The following MTOR variants were observed in gnomAD, a reference collection of about 807,000 sequenced individuals.
MTOR encodes mechanistic target of rapamycin kinase, also known as serine/threonine-protein kinase mTOR.
MTOR carries 70 observed loss-of-function variants against 319.8 expected under a neutral mutation model. That is an observed-to-expected ratio of 0.22 (90% CI 0.18 to 0.27). The LOEUF (loss-of-function observed/expected upper bound fraction) is 0.27, where lower values mean the gene tolerates loss of function less well. MTOR is among the 10% of genes least tolerant of loss of function. The pLI, the probability that MTOR is intolerant of heterozygous loss-of-function variation, is 1.00. For missense variants in MTOR, 1,890 were observed against 3,274.4 expected (o/e 0.58, Z 10.32); for synonymous variants, 1,183 against 1,211.4 (o/e 0.98, Z 0.49).
chr1:11,130,368 C>T (rs1643075471), intron 39 of MTOR, among the ~76,000 whole-genome samples, 161 bp downstream of exon 39: 1 of 152,228 alleles, frequency 6.6e-6, no homozygotes, highest in South Asian at 2.1e-4. Flanking sequence ...ACACACAAAG[C>T]CCTATCTCAG....
At chr1:11,166,165 C>T (rs1644637707) in intron 29 of MTOR, among the ~76,000 whole-genome samples, 1 of 152,154 alleles carries the variant, frequency 6.6e-6, no homozygotes, top group Admixed American at 6.5e-5. Context: ...CTAGGCAATA[C>T]CATTCAGGAC....
chr1:11,207,629 A>T (rs1571168057), intron 25 of MTOR, among the ~76,000 whole-genome samples: 1 of 122,668 alleles, frequency 8.2e-6, no homozygotes, highest in Non-Finnish European at 1.7e-5. Context: ...ACAGGGTCTT[A>T]CTCTGTTGCC....
chr1:11,212,857 A>T lies in MTOR; in HGVS notation c.3337T>A (p.Leu1113Ile). Residue 1113 changes from leucine (L) to isoleucine (I), a missense_variant, in exon 22 of 58, where the codon TTA becomes ATA. Physicochemically the swap from Leu to Ile is conservative, Grantham distance 5 (BLOSUM62 2). Transcript: ENST00000361445. This position sits in a 1 kb window ranked among gnomAD's most constrained non-coding sequence, Gnocchi z 4.1. ...AACTTAACAATAGGAGGCAGCAGTA[A>T]ATGCAGGTAGTCATCCAGGTTGGCG... ...FGANLDDYLH[L>I]LLPPIVKLFD... is the part of the protein sequence containing the mutation. 1 of 1,614,160 alleles carries T rather than the reference A, an allele frequency of 6.2e-7. No individual in the cohort carries two copies. The highest frequency in any genetic ancestry group is 8.5e-7 in the Non-Finnish European group (1 of 1,179,998).
intron 8 of MTOR, among the ~76,000 whole-genome samples, chr1:11,244,164 T>C (rs1648480421): frequency 6.6e-6 from 1 of 151,408 alleles, no homozygotes; most frequent in Non-Finnish European, 1.5e-5. Flanking sequence ...TAAGGGTGCA[T>C]GCCTGTAATC....
rs750981339 is a variant in MTOR at position 11,212,468 on chromosome 1, C to A, written c.3405G>T (p.Ala1135=). The A allele has an allele frequency of 6.2e-7, 1 of 1,613,104 alleles. No individual in the cohort carries two copies. The highest frequency in any genetic ancestry group is 8.5e-7 in the Non-Finnish European group (1 of 1,179,640). Residue 1135 remains alanine (A), a synonymous_variant, in exon 23 of 58, where the codon GCG becomes GCT. Transcript: ENST00000361445. This position sits in a 1 kb window ranked among gnomAD's most constrained non-coding sequence, Gnocchi z 4.1. Reference sequence around the variant, plus strand: ...CCGTCAGGCGGTCCACAGTCTCTAGCGCTGCCCTACAACAATCACTAACAT... The same window carrying A: ...CCGTCAGGCGGTCCACAGTCTCTAGAGCTGCCCTACAACAATCACTAACAT... ...PEAPLPSRKA[A]LETVDRLTES... is the part of the protein sequence containing the mutation.
At chr1:11,246,849 C>T (rs758428111) in intron 8 of MTOR, among the ~76,000 whole-genome samples, 2 of 152,198 alleles carry the variant, frequency 1.3e-5, no homozygotes, top group Non-Finnish European at 2.9e-5. Flanking sequence ...TTTACCTCTA[C>T]CCTATTTCCA....
Position 11,127,852 on chromosome 1 carries a change from C to T in MTOR, c.6034-46G>A, listed in dbSNP as rs2100410174. On this transcript the variant is annotated intron_variant, in intron 43 of 57. Transcript: ENST00000361445. This position sits in a 1 kb window ranked among gnomAD's most constrained non-coding sequence, Gnocchi z 5.5. ...AGAGAAGCATCAAGAATCAGCTAAC[C>T]TCAGAAAGGTCTGTTTTGGAGACAC... 1 of 1,595,692 alleles carries T rather than the reference C, an allele frequency of 6.3e-7. No individual in the cohort carries two copies. The highest frequency in any genetic ancestry group is 1.7e-5 in the Admixed American group (1 of 57,886).
In MTOR at chr1:11,128,751, A is replaced by G; in HGVS notation, c.5811+104T>C. On this transcript the variant is annotated intron_variant, in intron 41 of 57. Transcript: ENST00000361445. This position sits in a 1 kb window ranked among gnomAD's most constrained non-coding sequence, Gnocchi z 5.3. ...CCGAGCCCTACTTCCTTAGCACTGT[A>G]TTAACACACACTGCCTTGTGACACT... The G allele has an allele frequency of 9.1e-7, 1 of 1,097,036 alleles. No individual in the cohort carries two copies. Among genetic ancestry groups the G allele is most frequent in the South Asian group, 1.4e-5 (1 of 74,056 alleles). The allele number at this position is 1,097,036 out of a possible 1,614,324, so 68.0% of individuals were successfully genotyped here.
intron 25 of MTOR, 93 bp downstream of exon 25, chr1:11,209,219 G>T: frequency 6.7e-7 from 1 of 1,503,750 alleles, no homozygotes; most frequent in Non-Finnish European, 9.1e-7. Flanking sequence ...ACCTGGGCTG[G>T]TTTTCGGTTG....
At position 11,108,303 on chromosome 1, in the gene MTOR, A is replaced by G. The variant is rs1641675282; in HGVS notation, c.7529-17T>C. 1 of 1,593,870 alleles carries G rather than the reference A, an allele frequency of 6.3e-7. No individual in the cohort carries two copies. Among genetic ancestry groups the G allele is most frequent in the African/African-American group, 1.3e-5 (1 of 74,512 alleles). Reference sequence around the variant, plus strand: ...AGTCCCGACCTAGCACAGGAGGAACAAAAACATTTCACTCTCTTCCTGGCA... The same window carrying G: ...AGTCCCGACCTAGCACAGGAGGAACGAAAACATTTCACTCTCTTCCTGGCA... On this transcript the variant is annotated splice_polypyrimidine_tract_variant and intron_variant, in intron 56 of 57. Coordinates refer to ENST00000361445, the MANE Select transcript of MTOR (RefSeq NM_004958.4).
At chr1:11,142,444 A>T (rs1449746730) in intron 34 of MTOR, among the ~76,000 whole-genome samples, 2 of 152,012 alleles carry the variant, frequency 1.3e-5, no homozygotes, top group East Asian at 3.9e-4. Context: ...GTGCGCCACC[A>T]CGCCTGGCTA....
In MTOR at chr1:11,212,755, T is replaced by G. The variant is rs773799855; in HGVS notation, c.3398+41A>C. The G allele has an allele frequency of 6.6e-7, 1 of 1,504,922 alleles. No individual in the cohort carries two copies. The highest frequency in any genetic ancestry group is 1.7e-5 in the Admixed American group (1 of 58,146). 93.2% of individuals were successfully genotyped at this position (1,504,922 alleles called of 1,614,324 possible). Reference sequence around the variant, plus strand: ...GAAATGAACATTTTCAACAAAACATTAAAGCTTAAAGATTGCTAGTCCCAA... The same window carrying G: ...GAAATGAACATTTTCAACAAAACATGAAAGCTTAAAGATTGCTAGTCCCAA... On this transcript the variant is annotated intron_variant, in intron 22 of 57. Coordinates refer to ENST00000361445, the MANE Select transcript of MTOR (RefSeq NM_004958.4). The surrounding 1 kb of genome is among the most constrained non-coding windows in gnomAD (Gnocchi z 4.1).
chr1:11,151,583 G>A (rs1332735216), intron 30 of MTOR, among the ~76,000 whole-genome samples: 1 of 152,232 alleles, frequency 6.6e-6, no homozygotes, highest in Non-Finnish European at 1.5e-5. Context: ...CAGTAGTGCT[G>A]GGATAGGGGC....
chr1:11,134,244 A>T lies in MTOR; in HGVS notation c.5246+107T>A, dbSNP rs913114399. On this transcript the variant is annotated intron_variant, in intron 37 of 57. Transcript: ENST00000361445. ...ATCCCTACTGGAAAAGGAAAGAGAG[A>T]TGTCAGCAATCAGCCACCCAAGAAG... The T allele has an allele frequency of 3.4e-6, 3 of 878,712 alleles. No homozygotes were observed. The African/African-American group carries it at 5.0e-5, about 15-fold the overall frequency. The allele number at this position is 878,712 out of a possible 1,614,324, so 54.4% of individuals were successfully genotyped here.
At chr1:11,262,179 G>A (rs901418361) in intron 1 of MTOR, among the ~76,000 whole-genome samples, 3 of 152,228 alleles carry the variant, frequency 2.0e-5, no homozygotes, top group Admixed American at 6.5e-5. Context: ...AAGACCCAAA[G>A]GGCAATACCA....
intron 38 of MTOR, chr1:11,131,073 C>T (rs1488719488): frequency 1.1e-5 from 5 of 470,898 alleles, no homozygotes; most frequent in Non-Finnish European, 1.9e-5. Context: ...GGGGAGCTCA[C>T]GCACAAACCT....
intron 49 of MTOR, among the ~76,000 whole-genome samples, chr1:11,118,512 G>C (rs996499486): frequency 6.6e-6 from 1 of 151,312 alleles, no homozygotes; most frequent in Non-Finnish European, 1.5e-5. Flanking sequence ...TGGGATTACA[G>C]GCGTGAACCA....
intron 50 of MTOR, 32 bp downstream of exon 50, chr1:11,116,969 AAAG>A: frequency 6.7e-7 from 1 of 1,497,390 alleles, no homozygotes; most frequent in South Asian, 1.2e-5. Flanking sequence ...TACAATGGAG[AAAG>A]AAGACTAAAA....
In MTOR at chr1:11,167,483, C is replaced by T; in HGVS notation, c.4288G>A (p.Ala1430Thr). Residue 1430 changes from alanine to threonine, a missense_variant, in exon 29 of 58, where the codon GCC (alanine) becomes ACC (threonine). Physicochemically the swap from Ala to Thr is moderately conservative, Grantham distance 58. This residue lies in a region of MTOR where 45 missense variants were observed against 107.2 expected (regional missense o/e 0.42). Transcript: ENST00000361445. ...TTCATGGCATATTCTAACACTCCGGCCGCTGCCTCCGGCTGCTGTAGCTTA... is the reference window on the plus strand; with the variant it reads ...TTCATGGCATATTCTAACACTCCGGTCGCTGCCTCCGGCTGCTGTAGCTTA... ...NNKLQQPEAA[A>T]GVLEYAMKHF... 6.2e-7 allele frequency: 1 copy of T among 1,613,356 alleles called. No individual in the cohort carries two copies. The highest frequency in any genetic ancestry group is 8.5e-7 in the Non-Finnish European group (1 of 1,179,882).
Sources: gnomAD v4.1 joint callset for allele counts (sites outside exome capture counted in the v4.1 genomes callset) on GRCh38, gnomAD v4.1.1 for gene constraint, gnomAD v4.1.1 regional missense constraint, Gnocchi (gnomAD v3.1) non-coding constraint, MANE v1.5 for transcripts, NCBI Gene and HGNC (gene_info 2026-07-23, HGNC 2026-07-21) for gene names.